RAPGEF6: variants seen among roughly 807,000 people sequenced by gnomAD.
RAPGEF6 encodes the protein Rap guanine nucleotide exchange factor 6.
RAPGEF6 carries 56 observed loss-of-function variants against 171.4 expected under a neutral mutation model. The ratio of observed to expected loss-of-function variants is 0.33; its 90% CI spans 0.26 to 0.41. The LOEUF is 0.41. Among genes scored for constraint, RAPGEF6 ranks in the 10% least tolerant of loss-of-function variants. The pLI, the probability that RAPGEF6 is intolerant of heterozygous loss-of-function variation, is 1.00. For missense variants in RAPGEF6, 1,674 were observed against 1,921.4 expected (o/e 0.87, Z 2.41); for synonymous variants, 692 against 650.1 (o/e 1.06, Z -0.98).
chr5:131,531,820 C>G (rs1331051576), intron 6 of RAPGEF6, among the ~76,000 whole-genome samples: 1 of 152,024 alleles, frequency 6.6e-6, no homozygotes, highest in Non-Finnish European at 1.5e-5. Flanking sequence ...CTGATAAGTA[C>G]AGCAATAGCC....
In RAPGEF6 at chr5:131,455,838, G is replaced by A; in HGVS notation, c.3039C>T (p.Phe1013=). 3 of 1,613,578 alleles carry A rather than the reference G, an allele frequency of 1.9e-6. No homozygotes were observed. The African/African-American group carries it at 4.0e-5, about 22-fold the overall frequency. The change falls in exon 20 of 28, where the codon TTC becomes TTT. Residue 1013 remains phenylalanine (F), a synonymous_variant. Transcript: ENST00000509018. Reference sequence around the variant, plus strand: ...ATGTCATATCTTTCTTGACAACAGGGAAGAGTGGAATAATTGGAGGCTGCA... The same window carrying A: ...ATGTCATATCTTTCTTGACAACAGGAAAGAGTGGAATAATTGGAGGCTGCA... ...QSMQPPIIPL[F]PVVKKDMTFL...
intron 13 of RAPGEF6, among the ~76,000 whole-genome samples, chr5:131,493,478 C>T (rs1264630690): frequency 3.3e-5 from 5 of 152,202 alleles, no homozygotes; most frequent in Non-Finnish European, 7.3e-5. Context: ...CCTTGAACAA[C>T]TTGAACCACC....
chr5:131,431,440 G>C (rs1053020258), intron 25 of RAPGEF6, 91 bp from the exon 26 acceptor site: 3 of 1,386,008 alleles, frequency 2.2e-6, no homozygotes, highest in East Asian at 2.3e-5. Context: ...AGAAACTACA[G>C]AGCACGTACC....
At chr5:131,548,252 T>C in intron 5 of RAPGEF6, 62 bp from the exon 6 acceptor site, 3 of 1,557,724 alleles carry the variant, frequency 1.9e-6, no homozygotes, top group South Asian at 1.1e-5. Flanking sequence ...TGACAATCTA[T>C]GGAGTCTTAA....
intron 15 of RAPGEF6, among the ~76,000 whole-genome samples, chr5:131,486,373 C>T (rs1269601769): frequency 6.6e-6 from 1 of 152,170 alleles, no homozygotes; most frequent in Non-Finnish European, 1.5e-5. Flanking sequence ...TTTAGTCTAG[C>T]TCTTTTAAGT....
intron 25 of RAPGEF6, among the ~76,000 whole-genome samples, chr5:131,433,049 A>G (rs1009505423): frequency 6.6e-6 from 1 of 151,900 alleles, no homozygotes; most frequent in Non-Finnish European, 1.5e-5. Context: ...GGCTAGTCCT[A>G]CTCTCCCAAC....
intron 3 of RAPGEF6, among the ~76,000 whole-genome samples, chr5:131,594,324 C>G (rs567457483): frequency 6.6e-6 from 1 of 152,272 alleles, no homozygotes; most frequent in Non-Finnish European, 1.5e-5. Context: ...CAAGCCTTGG[C>G]GGCTTCCACA....
chr5:131,627,720 T>C (rs1766025192), intron 1 of RAPGEF6, among the ~76,000 whole-genome samples: 1 of 152,122 alleles, frequency 6.6e-6, no homozygotes, highest in Admixed American at 6.6e-5. Flanking sequence ...TGTGGGGTTG[T>C]TTTCTTTTTT....
At chr5:131,512,275 A>G (rs911049987) in intron 7 of RAPGEF6, among the ~76,000 whole-genome samples, 1 of 152,220 alleles carries the variant, frequency 6.6e-6, no homozygotes. Context: ...CAGACGGGGC[A>G]GACGTACCTG....
At chr5:131,477,626 T>G (rs1484249467) in intron 16 of RAPGEF6, among the ~76,000 whole-genome samples, 1 of 152,142 alleles carries the variant, frequency 6.6e-6, no homozygotes, top group African/African-American at 2.4e-5. Context: ...AAGGATAATG[T>G]GGAGATGAGA....
intron 3 of RAPGEF6, among the ~76,000 whole-genome samples, chr5:131,601,633 A>G (rs1210758595): frequency 6.6e-6 from 1 of 152,230 alleles, no homozygotes; most frequent in African/African-American, 2.4e-5. Context: ...AATCAGCAGC[A>G]GAGTAGCAAA....
chr5:131,444,869 A>G (rs1354290110), intron 22 of RAPGEF6, among the ~76,000 whole-genome samples: 2 of 152,210 alleles, frequency 1.3e-5, no homozygotes, highest in African/African-American at 4.8e-5. Flanking sequence ...ATAAATATGT[A>G]CATGGCTTTG....
chr5:131,545,885 G>C (rs773586426), intron 6 of RAPGEF6, among the ~76,000 whole-genome samples: 6 of 147,898 alleles, frequency 4.1e-5, no homozygotes, highest in Non-Finnish European at 8.8e-5. Flanking sequence ...TACTTAGTAG[G>C]ATCACCATGT....
intron 21 of RAPGEF6, among the ~76,000 whole-genome samples, chr5:131,450,787 A>T (rs1472817629): frequency 6.6e-6 from 1 of 152,208 alleles, no homozygotes; most frequent in Non-Finnish European, 1.5e-5. Context: ...ATTCAGGAAA[A>T]ATTCAGTCCA....
chr5:131,557,633 T>C (rs1317060116), intron 5 of RAPGEF6, among the ~76,000 whole-genome samples: 1 of 152,210 alleles, frequency 6.6e-6, no homozygotes, highest in Non-Finnish European at 1.5e-5. Context: ...GAGAAAGTTT[T>C]CAATGTTTAT....
At chr5:131,581,097 C>T (rs1455638801) in intron 4 of RAPGEF6, among the ~76,000 whole-genome samples, 1 of 152,214 alleles carries the variant, frequency 6.6e-6, no homozygotes, top group Non-Finnish European at 1.5e-5. Flanking sequence ...GCATTACAGA[C>T]ATATCACAAA....
chr5:131,458,134 C>T (rs1202700692), intron 19 of RAPGEF6, among the ~76,000 whole-genome samples: 2 of 152,160 alleles, frequency 1.3e-5, no homozygotes, highest in African/African-American at 4.8e-5. Context: ...ATGAACACCA[C>T]TATAAAAACT....
chr5:131,590,587 T>C (rs1157967761), intron 4 of RAPGEF6, among the ~76,000 whole-genome samples: 1 of 152,192 alleles, frequency 6.6e-6, no homozygotes, highest in African/African-American at 2.4e-5. Context: ...TATAAATCTT[T>C]CACACAAAAG....
At chr5:131,446,737 T>C (rs374228468) in intron 21 of RAPGEF6, 34 bp from the exon 22 acceptor site, 341 of 1,563,266 alleles carry the variant, frequency 2.2e-4, no homozygotes, top group Non-Finnish European at 2.8e-4. Context: ...TAAGGGGCTA[T>C]AGAGATGAGA....
Sources: gnomAD v4.1 joint callset for allele counts (sites outside exome capture counted in the v4.1 genomes callset) on GRCh38, gnomAD v4.1.1 for gene constraint, MANE v1.5 for transcripts, NCBI Gene and HGNC (gene_info 2026-07-23, HGNC 2026-07-21) for gene names.